The following EPB41L5 variants were observed in gnomAD, a reference collection of about 807,000 sequenced individuals.
EPB41L5 encodes erythrocyte membrane protein band 4.1 like 5.
In EPB41L5, 55 loss-of-function variants were observed where a neutral mutation model predicts 106.6. The observed-to-expected ratio is 0.52, with a 90% CI of 0.42 to 0.65. The LOEUF (loss-of-function observed/expected upper bound fraction) is 0.65, where lower values mean the gene tolerates loss of function less well. Ranked by LOEUF, EPB41L5 falls within the 30% of genes least tolerant of loss-of-function variation. The pLI is 0.00. For missense variants in EPB41L5, 871 were observed against 882.1 expected (o/e 0.99, Z 0.16); for synonymous variants, 297 against 306.7 (o/e 0.97, Z 0.33).
At chr2:120,077,544 G>C (rs936342680) in intron 9 of EPB41L5, among the ~76,000 whole-genome samples, 14 of 152,082 alleles carry the variant, frequency 9.2e-5, no homozygotes, top group African/African-American at 3.1e-4. Flanking sequence ...CAAGGTACTT[G>C]GTCCTTTTAA....
chr2:120,041,977 T>C (rs748353107), intron 2 of EPB41L5, 29 bp from the exon 3 acceptor site: 14 of 1,517,000 alleles, frequency 9.2e-6, no homozygotes, highest in East Asian at 6.8e-5. Flanking sequence ...AAACCACTTA[T>C]TGATTTACTT....
intron 14 of EPB41L5, among the ~76,000 whole-genome samples, chr2:120,095,183 A>G (rs540680172): frequency 6.6e-6 from 1 of 152,020 alleles, no homozygotes; most frequent in East Asian, 1.9e-4. Context: ...TTTTTGTTTC[A>G]TGTATGTTGT....
intron 16 of EPB41L5, among the ~76,000 whole-genome samples, chr2:120,110,635 A>ATTTT (rs1234465616): frequency 1.7e-5 from 2 of 118,740 alleles, no homozygotes; most frequent in African/African-American, 6.2e-5. Flanking sequence ...ACCTTCCCCT[A>ATTTT]TTTTTTTTTT....
intron 1 of EPB41L5, among the ~76,000 whole-genome samples, chr2:120,018,801 A>G (rs1677723082): frequency 6.6e-6 from 1 of 151,972 alleles, no homozygotes. Context: ...GGCATGCACC[A>G]CCACACCTGG....
intron 3 of EPB41L5, among the ~76,000 whole-genome samples, chr2:120,056,126 A>T (rs1372535827): frequency 6.6e-6 from 1 of 152,040 alleles, no homozygotes; most frequent in Non-Finnish European, 1.5e-5. Context: ...TAGTTCGTTG[A>T]TGCTTTCATA....
At chr2:120,122,398 A>T (rs532536151) in intron 16 of EPB41L5, among the ~76,000 whole-genome samples, 1 of 152,352 alleles carries the variant, frequency 6.6e-6, no homozygotes, top group Admixed American at 6.5e-5. Flanking sequence ...ACATATGGCT[A>T]GCCAGTTTTC....
intron 16 of EPB41L5, among the ~76,000 whole-genome samples, chr2:120,107,990 A>G (rs1684546375): frequency 6.6e-6 from 1 of 152,182 alleles, no homozygotes; most frequent in African/African-American, 2.4e-5. Flanking sequence ...GAGAAGAGAA[A>G]ATTTTAAAAG....
intron 2 of EPB41L5, among the ~76,000 whole-genome samples, chr2:120,028,895 A>G (rs903421657): frequency 1.3e-5 from 2 of 152,132 alleles, no homozygotes; most frequent in Admixed American, 6.5e-5. Flanking sequence ...TTTTGGTGGG[A>G]TGGTGTGTTT....
intron 19 of EPB41L5, among the ~76,000 whole-genome samples, chr2:120,144,949 A>G (rs1686335097): frequency 6.6e-6 from 1 of 152,238 alleles, no homozygotes; most frequent in Non-Finnish European, 1.5e-5. Flanking sequence ...ACACCTGTTC[A>G]TGATAAAAAC....
At chr2:120,090,294 A>G in intron 11 of EPB41L5, 53 bp from the exon 12 acceptor site, 1 of 1,439,046 alleles carries the variant, frequency 6.9e-7, no homozygotes. Context: ...GAAATAGGAG[A>G]TAGGACTGTT....
At chr2:120,080,518 T>TGG in intron 10 of EPB41L5, among the ~76,000 whole-genome samples, 1 of 152,314 alleles carries the variant, frequency 6.6e-6, no homozygotes, top group East Asian at 1.9e-4. Context: ...TGATGGACAT[T>TGG]GGGGTTGGTT....
chr2:120,170,265 A>T (rs886912053), intron 24 of EPB41L5, among the ~76,000 whole-genome samples: 6 of 152,242 alleles, frequency 3.9e-5, no homozygotes, highest in African/African-American at 1.4e-4. Context: ...TTACCACAAA[A>T]CTTAGCAGCT....
intron 2 of EPB41L5, among the ~76,000 whole-genome samples, chr2:120,033,792 A>G (rs920809507): frequency 6.6e-6 from 1 of 151,634 alleles, no homozygotes; most frequent in African/African-American, 2.4e-5. Context: ...GTACCAACCT[A>G]AAATAGATTG....
chr2:120,054,976 C>T (rs575141438), intron 3 of EPB41L5, among the ~76,000 whole-genome samples: 97 of 151,566 alleles, frequency 6.4e-4, no homozygotes, highest in Non-Finnish European at 1.1e-3. Context: ...AAGTGATTCT[C>T]CTGCCTCAGC....
chr2:120,057,468 A>G (rs143275232), intron 3 of EPB41L5, among the ~76,000 whole-genome samples: 1 of 152,216 alleles, frequency 6.6e-6, no homozygotes, highest in Non-Finnish European at 1.5e-5. Flanking sequence ...TTGTCTGTAC[A>G]TAGTAATTCA....
intron 21 of EPB41L5, among the ~76,000 whole-genome samples, chr2:120,161,710 A>G (rs577872642): frequency 1.3e-5 from 2 of 152,320 alleles, no homozygotes; most frequent in East Asian, 3.9e-4. Context: ...TGGGCCACAC[A>G]GCAGGAGGTG....
intron 10 of EPB41L5, among the ~76,000 whole-genome samples, chr2:120,083,929 C>T (rs1269963693): frequency 1.3e-5 from 2 of 151,932 alleles, no homozygotes; most frequent in Non-Finnish European, 2.9e-5. Context: ...CAACCTCTGC[C>T]TTTTTTTGTT....
rs140131260 is a variant in EPB41L5, at chr2:120,142,584, T to C, written c.1600-419T>C. Among the ~76,000 whole-genome samples the C allele has an allele frequency of 1.8e-4, 27 of 152,302 alleles. No individual in the cohort carries two copies. The East Asian group carries it at 4.8e-3, about 27-fold the overall frequency. On this transcript the variant is annotated intron_variant, in intron 18 of 24. Coordinates refer to ENST00000263713, the MANE Select transcript of EPB41L5 (RefSeq NM_020909.4). ...TTGACCAGAGGTTGGCAGATTATTTTAGTAAATATTAGTAAATAGTAAAGG... is the reference window on the plus strand; with the variant it reads ...TTGACCAGAGGTTGGCAGATTATTTCAGTAAATATTAGTAAATAGTAAAGG...
intron 10 of EPB41L5, among the ~76,000 whole-genome samples, chr2:120,083,733 CT>C (rs970586613): frequency 3.3e-5 from 5 of 152,174 alleles, no homozygotes; most frequent in African/African-American, 1.2e-4. Flanking sequence ...GTGTGGGAGT[CT>C]GAGTCTCTTT....
Sources: allele counts gnomAD v4.1 joint callset (sites outside exome capture counted in the v4.1 genomes callset), GRCh38; gene constraint gnomAD v4.1.1; transcripts MANE v1.5; gene names NCBI Gene and HGNC (gene_info 2026-07-23, HGNC 2026-07-21).